SCN10A: variants seen among roughly 807,000 people sequenced by gnomAD.
SCN10A encodes the protein sodium channel protein type 10 subunit alpha.
SCN10A carries 162 observed loss-of-function variants against 170.7 expected under a neutral mutation model. The observed-to-expected ratio is 0.95, with a 90% CI of 0.84 to 1.08. SCN10A has a LOEUF of 1.08. SCN10A is among the 50% of genes least tolerant of loss of function. The probability of loss-of-function intolerance (pLI) is 0.00; values close to 1 mark genes in which losing one functional copy is unlikely to be tolerated. For missense variants in SCN10A, 2,527 were observed against 2,436.9 expected (o/e 1.04, Z -0.78); for synonymous variants, 985 against 904.6 (o/e 1.09, Z -1.59).
chr3:38,718,142 T>C (rs938535024), intron 21 of SCN10A, among the ~76,000 whole-genome samples: 10 of 152,164 alleles, frequency 6.6e-5, no homozygotes, highest in Admixed American at 2.6e-4. Flanking sequence ...ATTTATAAAA[T>C]ACAGGTGCCT....
chr3:38,759,975 G>T (rs1205253470), intron 8 of SCN10A, among the ~76,000 whole-genome samples: 1 of 152,204 alleles, frequency 6.6e-6, no homozygotes, highest in Non-Finnish European at 1.5e-5. Flanking sequence ...GGAGTTAGCT[G>T]TGATGATTAA....
At chr3:38,764,520 A>G (rs1000092246) in intron 5 of SCN10A, among the ~76,000 whole-genome samples, 2 of 152,184 alleles carry the variant, frequency 1.3e-5, no homozygotes, top group African/African-American at 4.8e-5. Context: ...CTCCAACTCC[A>G]TCCAGCTTGC....
chr3:38,707,289 G>T lies in SCN10A; in HGVS notation c.4376C>A (p.Pro1459Gln). 6.2e-7 allele frequency: 1 copy of T among 1,613,988 alleles called. No homozygotes were observed. Among genetic ancestry groups the T allele is most frequent in the Non-Finnish European group, 8.5e-7 (1 of 1,179,990 alleles). Residue 1459 changes from proline to glutamine, a missense_variant, in exon 26 of 28, where the codon CCA becomes CAA. Coordinates refer to ENST00000449082, the MANE Select transcript of SCN10A (RefSeq NM_006514.4). ...LGSKKPQKPI[P>Q]RPLNKFQGFV... ...ACCTCTGGGGCTCACCAGGGGCCGT[G>T]GGATGGGCTTCTGGGGCTTCTTGGA...
chr3:38,750,014 T>A, intron 13 of SCN10A, 59 bp downstream of exon 13: 5 of 930,176 alleles, frequency 5.4e-6, no homozygotes, highest in Non-Finnish European at 8.7e-6. Flanking sequence ...TTGCTTCTGC[T>A]GCTCACATGG....
At chr3:38,743,820 C>A (rs147089455) in intron 13 of SCN10A, among the ~76,000 whole-genome samples, 11 of 152,236 alleles carry the variant, frequency 7.2e-5, no homozygotes, top group Admixed American at 2.0e-4. Flanking sequence ...CCCTAAAAAA[C>A]CATCTCTATG....
rs535019900 is a variant in SCN10A at position 38,741,602 on chromosome 3, C to T, written c.2106+689G>A. Among the ~76,000 whole-genome samples the T allele has an allele frequency of 8.1e-4, 123 of 152,194 alleles. 1 individual carries two copies. The highest frequency in any genetic ancestry group is 6.8e-3 in the Middle Eastern group (2 of 294). On this transcript the variant is annotated intron_variant, in intron 14 of 27. Transcript: ENST00000449082. ...GGGCAAGGTTGGAGCAGTTGTTGTC[C>T]CTCTGAGTCAGATACTTTATCCAGT...
intron 18 of SCN10A, 31 bp from the exon 19 acceptor site, chr3:38,723,584 C>T (rs138746965): frequency 3.9e-4 from 611 of 1,557,420 alleles, no homozygotes; most frequent in Middle Eastern, 2.8e-3. Context: ...GCAGTGAACT[C>T]GTCTCTCCGC....
chr3:38,813,548 A>G (rs2064453716), intron 1 of SCN10A, among the ~76,000 whole-genome samples: 2 of 152,226 alleles, frequency 1.3e-5, no homozygotes, highest in Non-Finnish European at 2.9e-5. Flanking sequence ...GCCATGTCAC[A>G]ATTGATGAAA....
intron 13 of SCN10A, among the ~76,000 whole-genome samples, chr3:38,744,794 A>G (rs1306824062): frequency 1.3e-5 from 2 of 152,188 alleles, no homozygotes; most frequent in Non-Finnish European, 2.9e-5. Context: ...CAAGATTTGA[A>G]ATGTCATTTT....
rs150671251 is a variant in SCN10A at position 38,776,382 on chromosome 3, GTGA to G, written c.471-4978_471-4976del. On this transcript the variant is annotated intron_variant, in intron 4 of 27. Transcript: ENST00000449082. Reference sequence around the variant, plus strand: ...TATGCTTCAGAAAACCACTTTCGAAGTGATGACTCTTTTTTTTGAATTGTGATA... The same window carrying G: ...TATGCTTCAGAAAACCACTTTCGAAGTGACTCTTTTTTTTGAATTGTGATA... 4.7e-4 allele frequency among the ~76,000 whole-genome samples: 71 copies of G among 152,136 alleles called. 1 individual carries two copies. Among genetic ancestry groups the G allele is most frequent in the African/African-American group, 1.7e-3 (70 of 41,552 alleles).
intron 4 of SCN10A, among the ~76,000 whole-genome samples, chr3:38,785,860 A>G (rs532497883): frequency 2.9e-4 from 44 of 152,384 alleles, no homozygotes; most frequent in African/African-American, 1.0e-3. Context: ...TTATGCAGCC[A>G]ATAAACATAT....
At chr3:38,731,341 G>GTACT (rs2063511405) in intron 15 of SCN10A, among the ~76,000 whole-genome samples, 1 of 152,168 alleles carries the variant, frequency 6.6e-6, no homozygotes, top group East Asian at 1.9e-4. Flanking sequence ...TCTAAAGGAG[G>GTACT]TACTTCAGGT....
chr3:38,707,967 G>T (rs1575931811), intron 25 of SCN10A, among the ~76,000 whole-genome samples: 1 of 152,196 alleles, frequency 6.6e-6, no homozygotes, highest in African/African-American at 2.4e-5. Flanking sequence ...CACCAACGAA[G>T]ATGTTTTCCT....
At chr3:38,753,595 G>A (rs1176064500) in intron 11 of SCN10A, among the ~76,000 whole-genome samples, 1 of 152,144 alleles carries the variant, frequency 6.6e-6, no homozygotes, top group Admixed American at 6.5e-5. Flanking sequence ...CTCTCTGCCT[G>A]TAATACATGC....
intron 1 of SCN10A, among the ~76,000 whole-genome samples, chr3:38,804,024 T>G (rs2064390959): frequency 6.6e-6 from 1 of 152,142 alleles, no homozygotes; most frequent in South Asian, 2.1e-4. Flanking sequence ...CTTATCTCAC[T>G]GCTAGCATTC....
intron 23 of SCN10A, among the ~76,000 whole-genome samples, chr3:38,711,618 A>G (rs1318082288): frequency 6.6e-6 from 1 of 152,238 alleles, no homozygotes; most frequent in Non-Finnish European, 1.5e-5. Flanking sequence ...GACACTCAAG[A>G]GTAACTGCAT....
chr3:38,803,951 T>C (rs1222029823), intron 1 of SCN10A, among the ~76,000 whole-genome samples: 2 of 152,134 alleles, frequency 1.3e-5, no homozygotes, highest in East Asian at 1.9e-4. Flanking sequence ...CCCACTTCCA[T>C]TGCTGCTGCC....
Position 38,739,634 on chromosome 3 carries a change from G to A in SCN10A, c.2161C>T (p.Pro721Ser), listed in dbSNP as rs747114420. ...EMVFKIIAFD[P>S]YYYFQKKWNI... ...CACTTCTTCTGGAAATAATAGTATG[G>A]GTCGAAGGCAATGATTTTGAAGACC... The change falls in exon 15 of 28, where the codon CCA (proline) becomes TCA (serine). Residue 721 changes from proline to serine, a missense_variant. Pro to Ser is a moderately conservative substitution (Grantham distance 74). Coordinates refer to ENST00000449082, the MANE Select transcript of SCN10A (RefSeq NM_006514.4). The A allele has an allele frequency of 1.9e-5, 31 of 1,613,988 alleles. No homozygotes were observed. In the East Asian group the frequency reaches 5.8e-4, roughly 30 times the overall value.
At chr3:38,739,830 G>A (rs1394134240) in intron 14 of SCN10A, 142 bp from the exon 15 acceptor site, 1 of 681,168 alleles carries the variant, frequency 1.5e-6, no homozygotes, top group African/African-American at 1.8e-5. Context: ...GTGGGCTCCT[G>A]AGGATTGGCC....
Sources: allele counts gnomAD v4.1 joint callset (sites outside exome capture counted in the v4.1 genomes callset), GRCh38; gene constraint gnomAD v4.1.1; transcripts MANE v1.5; gene names NCBI Gene and HGNC (gene_info 2026-07-23, HGNC 2026-07-21).